The following CACNA2D1 variants were observed in gnomAD, a reference collection of about 807,000 sequenced individuals.
The protein encoded by CACNA2D1 is voltage-dependent calcium channel subunit alpha-2/delta-1.
CACNA2D1 carries 53 observed loss-of-function variants against 171.5 expected under a neutral mutation model. That is an observed-to-expected ratio of 0.31 (90% CI 0.25 to 0.39). CACNA2D1 has a LOEUF of 0.39. CACNA2D1 is among the 10% of genes least tolerant of loss of function. CACNA2D1 has a pLI of 1.00. For missense variants in CACNA2D1, 903 were observed against 1,299.8 expected (o/e 0.69, Z 4.69); for synonymous variants, 442 against 443.1 (o/e 1.00, Z 0.03).
chr7:82,418,979 G>A (rs1828448884), intron 1 of CACNA2D1, among the ~76,000 whole-genome samples: 2 of 151,962 alleles, frequency 1.3e-5, no homozygotes, highest in African/African-American at 2.4e-5. Context: ...GCGCGGTGGC[G>A]GGCACCTGTA....
intron 1 of CACNA2D1, among the ~76,000 whole-genome samples, chr7:82,379,813 T>C (rs1823488311): frequency 6.6e-6 from 1 of 152,176 alleles, no homozygotes; most frequent in Admixed American, 6.5e-5. Context: ...GGGAATTATC[T>C]CATGTGTACT....
In CACNA2D1 at chr7:82,233,161, G is replaced by T. The variant is rs192897417; in HGVS notation, c.295-62552C>A. 2.0e-3 allele frequency among the ~76,000 whole-genome samples: 306 copies of T among 152,118 alleles called. 1 individual carries two copies. Among genetic ancestry groups the T allele is most frequent in the East Asian group, 9.3e-3 (48 of 5,164 alleles). ...TTCATAAAACTTATTTCAGGTGAAA[G>T]AATTAATTATAAAGTGTTATATAGT... is the stretch of plus-strand genomic sequence containing the variant. On this transcript the variant is annotated intron_variant, in intron 3 of 38. Coordinates refer to ENST00000356860, the MANE Select transcript of CACNA2D1 (RefSeq NM_000722.4).
chr7:82,252,623 G>T (rs1450010520), intron 3 of CACNA2D1, among the ~76,000 whole-genome samples: 1 of 152,212 alleles, frequency 6.6e-6, no homozygotes, highest in Non-Finnish European at 1.5e-5. Flanking sequence ...CGGGCGTGGT[G>T]GCTCACGCCT....
At chr7:82,193,015 T>G (rs1169714084) in intron 3 of CACNA2D1, among the ~76,000 whole-genome samples, 1 of 151,910 alleles carries the variant, frequency 6.6e-6, no homozygotes, top group East Asian at 1.9e-4. Context: ...AGATCCCATT[T>G]GTTCTAATTC....
chr7:82,146,313 TGTGTGTGTGTGTGC>T (rs1455810126), intron 4 of CACNA2D1, among the ~76,000 whole-genome samples: 2 of 146,426 alleles, frequency 1.4e-5, no homozygotes, highest in Non-Finnish European at 3.0e-5. Flanking sequence ...TATATATACG[TGTGTGTGTGTGTGC>T]GTGTGTGTGT....
chr7:82,342,307 A>G (rs1418817652), intron 2 of CACNA2D1, among the ~76,000 whole-genome samples: 2 of 152,194 alleles, frequency 1.3e-5, no homozygotes, highest in Non-Finnish European at 2.9e-5. Flanking sequence ...GTAAATCTCA[A>G]GAAGACAAAG....
At chr7:82,038,632 C>G (rs1380254290) in intron 10 of CACNA2D1, among the ~76,000 whole-genome samples, 1 of 152,106 alleles carries the variant, frequency 6.6e-6, no homozygotes, top group African/African-American at 2.4e-5. Context: ...ATTTTCATTG[C>G]CTCTTATTAG....
At chr7:81,981,481 T>C (rs1796441754) in intron 24 of CACNA2D1, among the ~76,000 whole-genome samples, 1 of 152,154 alleles carries the variant, frequency 6.6e-6, no homozygotes, top group Non-Finnish European at 1.5e-5. Context: ...TACGTTAAAG[T>C]AGAAACAATT....
At chr7:82,365,678 C>T (rs187157126) in intron 1 of CACNA2D1, among the ~76,000 whole-genome samples, 3 of 152,302 alleles carry the variant, frequency 2.0e-5, no homozygotes, top group Admixed American at 6.5e-5. Context: ...TTTTTAGCTA[C>T]GCTTTTGAGC....
intron 7 of CACNA2D1, among the ~76,000 whole-genome samples, chr7:82,077,091 T>C (rs1391538512): frequency 6.6e-6 from 1 of 152,256 alleles, no homozygotes; most frequent in African/African-American, 2.4e-5. Context: ...AAATTTAAGA[T>C]GTATTTAATT....
chr7:82,386,776 A>AAATT, intron 1 of CACNA2D1, among the ~76,000 whole-genome samples: 1 of 149,726 alleles, frequency 6.7e-6, no homozygotes, highest in Admixed American at 6.7e-5. Context: ...ATAAATAAAT[A>AAATT]AATAAAATAA....
chr7:82,389,269 G>T (rs537245727), intron 1 of CACNA2D1, among the ~76,000 whole-genome samples: 207 of 150,844 alleles, frequency 1.4e-3, no homozygotes, highest in Non-Finnish European at 2.4e-3. Context: ...TTTCTTAGAA[G>T]TTTCTTAATA....
intron 12 of CACNA2D1, among the ~76,000 whole-genome samples, chr7:82,026,555 T>C (rs946275489): frequency 6.6e-6 from 1 of 151,816 alleles, no homozygotes; most frequent in Non-Finnish European, 1.5e-5. Context: ...AAATGCTGAG[T>C]TGATAAACGT....
chr7:82,377,705 T>C (rs1216366550), intron 1 of CACNA2D1, among the ~76,000 whole-genome samples: 1 of 152,212 alleles, frequency 6.6e-6, no homozygotes, highest in Admixed American at 6.5e-5. Flanking sequence ...CCTTGCCACA[T>C]GATCATAAGG....
intron 7 of CACNA2D1, among the ~76,000 whole-genome samples, chr7:82,073,976 G>C (rs1442758449): frequency 2.0e-5 from 3 of 151,766 alleles, no homozygotes; most frequent in Admixed American, 6.6e-5. Flanking sequence ...ATAGAGACAC[G>C]AACACAAAAA....
chr7:82,190,087 T>C (rs1221939429), intron 3 of CACNA2D1, among the ~76,000 whole-genome samples: 1 of 151,892 alleles, frequency 6.6e-6, no homozygotes, highest in African/African-American at 2.4e-5. Flanking sequence ...TATTCAATGA[T>C]GAGAAACTGT....
intron 5 of CACNA2D1, among the ~76,000 whole-genome samples, chr7:82,127,495 A>G (rs781059534): frequency 7.9e-5 from 12 of 152,198 alleles, no homozygotes; most frequent in Non-Finnish European, 1.5e-4. Context: ...TGTATACTAT[A>G]AAATAAACTA....
intron 4 of CACNA2D1, among the ~76,000 whole-genome samples, chr7:82,156,168 A>T (rs567076919): frequency 3.9e-4 from 59 of 152,362 alleles, no homozygotes; most frequent in African/African-American, 1.4e-3. Context: ...TAAATGAAAT[A>T]TGTTGGTATA....
chr7:82,099,060 AT>A (rs1335628379), intron 6 of CACNA2D1, among the ~76,000 whole-genome samples: 2 of 152,014 alleles, frequency 1.3e-5, no homozygotes, highest in Non-Finnish European at 1.5e-5. Context: ...CCCAAAACGC[AT>A]TTGCCTTCAT....
Sources: allele counts gnomAD v4.1 joint callset (sites outside exome capture counted in the v4.1 genomes callset), GRCh38; gene constraint gnomAD v4.1.1; transcripts MANE v1.5; gene names NCBI Gene and HGNC (gene_info 2026-07-23, HGNC 2026-07-21).